The following DGKI variants were observed in gnomAD, a reference collection of about 807,000 sequenced individuals.
DGKI encodes the protein diacylglycerol kinase iota, also known as DAG kinase iota.
A neutral mutation model predicts 147.5 loss-of-function variants in DGKI; 55 were observed. The observed-to-expected ratio is 0.37, with a 90% CI of 0.30 to 0.47. The LOEUF (loss-of-function observed/expected upper bound fraction) is 0.47, where lower values mean the gene tolerates loss of function less well. DGKI is among the 20% of genes least tolerant of loss of function. The pLI, the probability that DGKI is intolerant of heterozygous loss-of-function variation, is 1.00. For synonymous variants in DGKI, 469 were observed against 477.1 expected, an observed-to-expected ratio of 0.98 and a Z score of 0.22; for missense variants, 1,007 against 1,323.8, an observed-to-expected ratio of 0.76 and a Z score of 3.71.
intron 29 of DGKI, among the ~76,000 whole-genome samples, chr7:137,408,544 G>GCACA (rs1466394522): frequency 6.6e-6 from 1 of 152,038 alleles, no homozygotes; most frequent in Non-Finnish European, 1.5e-5. Context: ...ATGCATGCAT[G>GCACA]CACACACACG....
At chr7:137,525,547 G>C (rs1009775682) in intron 20 of DGKI, among the ~76,000 whole-genome samples, 1 of 152,126 alleles carries the variant, frequency 6.6e-6, no homozygotes, top group African/African-American at 2.4e-5. Context: ...AGATTGCCTG[G>C]ATTTGAAGTA....
chr7:137,561,876 G>A lies in DGKI; in HGVS notation c.1947+9299C>T, dbSNP rs190620391. 1.4e-4 allele frequency among the ~76,000 whole-genome samples: 22 copies of A among 152,164 alleles called. No homozygotes were observed. The East Asian group carries it at 3.3e-3, about 23-fold the overall frequency. Reference sequence around the variant, plus strand: ...ACTATTTAAAGAGCTAAAGCAAGACGAACAAAAACAAACCTGTCAGTCCAG... The same window carrying A: ...ACTATTTAAAGAGCTAAAGCAAGACAAACAAAAACAAACCTGTCAGTCCAG... On this transcript the variant is annotated intron_variant, in intron 19 of 32. Transcript: ENST00000614521.
chr7:137,827,183 G>A (rs1176271133), intron 1 of DGKI, among the ~76,000 whole-genome samples: 3 of 152,154 alleles, frequency 2.0e-5, no homozygotes, highest in Non-Finnish European at 4.4e-5. Flanking sequence ...CTATAACAGT[G>A]ACTCTGGATG....
chr7:137,757,590 A>C (rs1795728474), intron 1 of DGKI, among the ~76,000 whole-genome samples: 1 of 152,174 alleles, frequency 6.6e-6, no homozygotes, highest in Non-Finnish European at 1.5e-5. Context: ...AATGGCTCAT[A>C]TTCAAAATGT....
At chr7:137,781,193 A>C (rs1450013523) in intron 1 of DGKI, among the ~76,000 whole-genome samples, 1 of 152,204 alleles carries the variant, frequency 6.6e-6, no homozygotes, top group Non-Finnish European at 1.5e-5. Flanking sequence ...AGGACTGTTC[A>C]GGTACTACTC....
At chr7:137,539,298 C>T (rs1817613465) in intron 20 of DGKI, among the ~76,000 whole-genome samples, 1 of 152,068 alleles carries the variant, frequency 6.6e-6, no homozygotes, top group Admixed American at 6.5e-5. Context: ...GTAACTAAAC[C>T]CTTAGCTTTC....
intron 1 of DGKI, among the ~76,000 whole-genome samples, chr7:137,697,630 C>T (rs1202782552): frequency 6.6e-6 from 1 of 152,070 alleles, no homozygotes; most frequent in Non-Finnish European, 1.5e-5. Flanking sequence ...TATCTTCTAG[C>T]CTTCCAGAAA....
intron 1 of DGKI, among the ~76,000 whole-genome samples, chr7:137,711,024 G>T (rs183049887): frequency 6.6e-6 from 1 of 151,950 alleles, no homozygotes; most frequent in African/African-American, 2.4e-5. Flanking sequence ...ATTCATCCCC[G>T]TCCTCCTCCT....
intron 8 of DGKI, among the ~76,000 whole-genome samples, chr7:137,618,185 A>G (rs1292030379): frequency 3.0e-5 from 2 of 67,348 alleles, no homozygotes; most frequent in African/African-American, 8.1e-5. Context: ...TCCTTTGCTT[A>G]AAAGGAACTC....
intron 27 of DGKI, among the ~76,000 whole-genome samples, chr7:137,461,250 AT>A (rs1814431794): frequency 6.6e-6 from 1 of 152,218 alleles, no homozygotes; most frequent in Admixed American, 6.5e-5. Context: ...TACACTTGCC[AT>A]TTGAAGTGAC....
chr7:137,690,043 C>G (rs778580439), intron 1 of DGKI, 41 bp from the exon 2 acceptor site: 4 of 1,315,862 alleles, frequency 3.0e-6, no homozygotes, highest in African/African-American at 1.4e-5. Flanking sequence ...CAAAGAAAAA[C>G]CAACATCAGA....
At chr7:137,485,128 A>G (rs1036592455) in intron 23 of DGKI, among the ~76,000 whole-genome samples, 6 of 152,048 alleles carry the variant, frequency 3.9e-5, no homozygotes, top group Non-Finnish European at 7.4e-5. Flanking sequence ...TGTTACTGAA[A>G]GCACTCAATT....
chr7:137,686,537 A>G (rs1823423997), intron 2 of DGKI, among the ~76,000 whole-genome samples: 1 of 152,254 alleles, frequency 6.6e-6, no homozygotes, highest in African/African-American at 2.4e-5. Context: ...TGAGTAAAAC[A>G]CAGCAGGAGA....
chr7:137,542,817 G>A (rs1481492640), intron 20 of DGKI, among the ~76,000 whole-genome samples: 1 of 152,162 alleles, frequency 6.6e-6, no homozygotes, highest in African/African-American at 2.4e-5. Context: ...CGTTCATATG[G>A]AAGAACAACC....
chr7:137,800,364 C>A (rs1797160258), intron 1 of DGKI, among the ~76,000 whole-genome samples: 1 of 152,096 alleles, frequency 6.6e-6, no homozygotes, highest in Non-Finnish European at 1.5e-5. Context: ...GGGCAGATCC[C>A]TCATGGCTTG....
At chr7:137,792,770 T>C (rs1796894207) in intron 1 of DGKI, among the ~76,000 whole-genome samples, 1 of 152,202 alleles carries the variant, frequency 6.6e-6, no homozygotes, top group Non-Finnish European at 1.5e-5. Context: ...TAAAGGAACT[T>C]GGCATCTCCC....
intron 10 of DGKI, among the ~76,000 whole-genome samples, chr7:137,607,170 A>G (rs7776802): frequency 0.036 from 5,438 of 152,246 alleles, 323 homozygotes; most frequent in African/African-American, 0.12. Flanking sequence ...ACTAAGTAGT[A>G]CCCATCTTTG....
chr7:137,513,653 A>G (rs1816652885), intron 21 of DGKI, among the ~76,000 whole-genome samples: 1 of 152,196 alleles, frequency 6.6e-6, no homozygotes, highest in Non-Finnish European at 1.5e-5. Context: ...GGAATCACCT[A>G]CTACACACCT....
At chr7:137,427,058 C>A (rs1337973567) in intron 28 of DGKI, among the ~76,000 whole-genome samples, 4 of 151,632 alleles carry the variant, frequency 2.6e-5, no homozygotes, top group Non-Finnish European at 5.9e-5. Flanking sequence ...ACCTAATAGA[C>A]ATCTACAGAA....
Sources: gnomAD v4.1 joint callset for allele counts (sites outside exome capture counted in the v4.1 genomes callset) on GRCh38, gnomAD v4.1.1 for gene constraint, MANE v1.5 for transcripts, NCBI Gene and HGNC (gene_info 2026-07-23, HGNC 2026-07-21) for gene names.